EEA1: variants seen among roughly 807,000 people sequenced by gnomAD.
The protein encoded by EEA1 is early endosome antigen 1.
EEA1 carries 111 observed loss-of-function variants against 209.2 expected under a neutral mutation model. That is an observed-to-expected ratio of 0.53 (90% confidence interval 0.45 to 0.62). The LOEUF is 0.62. Ranked by LOEUF, EEA1 falls within the 20% of genes least tolerant of loss-of-function variation. EEA1 has a pLI of 0.00. For missense variants in EEA1, 1,343 were observed against 1,530.8 expected, an observed-to-expected ratio of 0.88 and a Z score of 2.05; for synonymous variants, 536 against 540.6, an observed-to-expected ratio of 0.99 and a Z score of 0.12.
chr12:92,857,223 C>A, intron 5 of EEA1, 52 bp downstream of exon 5: 1 of 1,399,046 alleles, frequency 7.1e-7, no homozygotes. Context: ...TAGTTTTCAA[C>A]AATAAAAATA....
Position 92,920,301 on chromosome 12 carries a change from G to T in EEA1, c.24+8742C>A, listed in dbSNP as rs916585785. Among the ~76,000 whole-genome samples the T allele has an allele frequency of 8.0e-5, 9 of 112,246 alleles. 1 individual carries two copies. Among genetic ancestry groups the T allele is most frequent in the Admixed American group, 3.2e-4 (4 of 12,492 alleles). The allele number at this position is 112,246 out of a possible 152,430, so 73.6% of individuals were successfully genotyped here. ...GCCCGCATCGCCAAGTCAATCCTAA[G>T]CCAAAAGAACAAAGCTGGAGGCATC... On this transcript the variant is annotated intron_variant, in intron 1 of 28. Transcript: ENST00000322349.
intron 14 of EEA1, among the ~76,000 whole-genome samples, chr12:92,818,669 G>A (rs1308009456): frequency 6.6e-6 from 1 of 151,950 alleles, no homozygotes; most frequent in Non-Finnish European, 1.5e-5. Flanking sequence ...CTGATACTTT[G>A]TTTTAAATAT....
intron 10 of EEA1, among the ~76,000 whole-genome samples, chr12:92,834,955 C>T (rs1188614571): frequency 6.6e-6 from 1 of 151,864 alleles, no homozygotes; most frequent in African/African-American, 2.4e-5. Flanking sequence ...TCTCAGCTAA[C>T]TCCAAGCTCC....
intron 1 of EEA1, among the ~76,000 whole-genome samples, chr12:92,899,265 C>T (rs571776413): frequency 6.6e-6 from 1 of 152,166 alleles, no homozygotes; most frequent in South Asian, 2.1e-4. Flanking sequence ...GAAGGTTAAG[C>T]CAACTGAATA....
rs1337749702 is a variant in EEA1 at position 92,826,275 on chromosome 12, T to C, written c.1415A>G (p.Lys472Arg). 2 of 1,611,382 alleles carry C rather than the reference T, an allele frequency of 1.2e-6. No homozygotes were observed. The highest frequency in any genetic ancestry group is 1.7e-6 in the Non-Finnish European group (2 of 1,178,106). The change falls in exon 13 of 29, where the codon AAA becomes AGA. Residue 472 changes from lysine to arginine, a missense_variant. By Grantham distance (26) the Lys-to-Arg change is conservative. Transcript: ENST00000322349. Reference protein sequence around the residue: ...LSRLEEQLKEKVTNSTELQHQ... With the variant: ...LSRLEEQLKERVTNSTELQHQ... The stretch of plus-strand genomic sequence containing the variant: ...CTGCAATTCTGTAGAATTTGTAACT[T>C]TTTCCTTCAACTTAAAAAAATGTAG...
intron 16 of EEA1, among the ~76,000 whole-genome samples, chr12:92,811,803 T>C (rs541509730): frequency 3.9e-5 from 6 of 151,904 alleles, no homozygotes; most frequent in African/African-American, 1.4e-4. Context: ...TTTTTAAAAA[T>C]ATTACAGTGT....
Position 92,772,915 on chromosome 12 carries a change from C to A in EEA1, c.*3096G>T, listed in dbSNP as rs1249715275. 6.6e-6 allele frequency: 1 copy of A among 152,208 alleles called. No homozygotes were observed. Among genetic ancestry groups the A allele is most frequent in the African/African-American group, 2.4e-5 (1 of 41,402 alleles). 9.4% of individuals were successfully genotyped at this position (152,208 alleles called of 1,614,324 possible). A position where few individuals can be genotyped will look rare whatever the true frequency, so the allele number is the denominator to read the frequency against. On this transcript the variant is annotated 3_prime_UTR_variant, in exon 29 of 29. Transcript: ENST00000322349. ...AGAAAGAACTTAGTGACTTCTAATTCTATTTTATACAATTTTACATAAATT... is the reference window on the plus strand; with the variant it reads ...AGAAAGAACTTAGTGACTTCTAATTATATTTTATACAATTTTACATAAATT...
intron 1 of EEA1, among the ~76,000 whole-genome samples, chr12:92,893,918 G>C (rs1879762823): frequency 6.6e-6 from 1 of 151,740 alleles, no homozygotes; most frequent in Non-Finnish European, 1.5e-5. Context: ...TTTATTGTGT[G>C]TCTCTTTATT....
In EEA1 at chr12:92,923,845, CAAAAAAAAA is replaced by C. The variant is rs200069645; in HGVS notation, c.24+5189_24+5197del. Reference sequence around the variant, plus strand: ...TCTAAGTCCTCATCTACCTCATCTACAAAAAAAAAAAAAAAAAATGGAGATTAGAAAAAT... The same window carrying C: ...TCTAAGTCCTCATCTACCTCATCTACAAAAAAAAATGGAGATTAGAAAAAT... On this transcript the variant is annotated intron_variant, in intron 1 of 28. Transcript: ENST00000322349. Among the ~76,000 whole-genome samples the C allele has an allele frequency of 3.6e-4, 27 of 75,246 alleles. No individual in the cohort carries two copies. In the East Asian group the frequency reaches 6.2e-3, roughly 17 times the overall value. The allele number at this position is 75,246 out of a possible 152,430, so 49.4% of individuals were successfully genotyped here. A position where few individuals can be genotyped will look rare whatever the true frequency, so the allele number is the denominator to read the frequency against.
chr12:92,771,112 C>A lies in EEA1; in HGVS notation c.*4899G>T, dbSNP rs1037573835. The stretch of plus-strand genomic sequence containing the variant: ...GAAAGGCAGTTTGAATAATTATTAT[C>A]ATGGCAGGATATATACTATTAACTA... On this transcript the variant is annotated 3_prime_UTR_variant, in exon 29 of 29. Coordinates refer to ENST00000322349, the MANE Select transcript of EEA1 (RefSeq NM_003566.4). The A allele has an allele frequency of 1.1e-4, 17 of 151,828 alleles. No homozygotes were observed. The highest frequency in any genetic ancestry group is 4.1e-4 in the African/African-American group (17 of 41,356). 9.4% of individuals were successfully genotyped at this position (151,828 alleles called of 1,614,324 possible).
At chr12:92,875,774 G>A (rs1184566865) in intron 2 of EEA1, among the ~76,000 whole-genome samples, 4 of 152,106 alleles carry the variant, frequency 2.6e-5, no homozygotes, top group African/African-American at 9.7e-5. Context: ...CCCGATCGCT[G>A]ACCCAATCTC....
intron 1 of EEA1, among the ~76,000 whole-genome samples, chr12:92,921,879 AAAAAAAAG>A (rs1432046028): frequency 0.01 from 1,540 of 149,380 alleles, 9 homozygotes; most frequent in East Asian, 0.028. Context: ...AAAAAAAAAA[AAAAAAAAG>A]AAAAAAAGAA....
intron 2 of EEA1, among the ~76,000 whole-genome samples, chr12:92,876,842 A>T (rs1164502267): frequency 6.6e-6 from 1 of 150,834 alleles, no homozygotes; most frequent in East Asian, 1.9e-4. Flanking sequence ...AAAAAAAAAA[A>T]AAAAGATAAA....
In EEA1 at chr12:92,832,667, G is replaced by C. The variant is rs1422039181; in HGVS notation, c.1099C>G (p.Leu367Val). The C allele has an allele frequency of 2.5e-6, 4 of 1,613,824 alleles. No homozygotes were observed. In the East Asian group the frequency reaches 8.9e-5, roughly 36 times the overall value. Residue 367 changes from leucine (L) to valine (V), a missense_variant, in exon 11 of 29, where the codon CTA (leucine) becomes GTA (valine). Leu to Val is a conservative substitution (Grantham distance 32, BLOSUM62 1). Coordinates refer to ENST00000322349, the MANE Select transcript of EEA1 (RefSeq NM_003566.4). ...ETSLHRIHVE[L>V]SEKGEATQKL... ...TGAGTAGCTTCTCCTTTTTCACTTA[G>C]TTCTACATGTATTCTATGCAGTGAG...
rs188261187 is a variant in EEA1 at position 92,792,337 on chromosome 12, G to A, written c.2968-4288C>T. On this transcript the variant is annotated intron_variant, in intron 21 of 28. Coordinates refer to ENST00000322349, the MANE Select transcript of EEA1 (RefSeq NM_003566.4). ...TTTCAAAAAAATTCAATGAATGCAG[G>A]AGCTGGTTTTTTGAAAAGATCAACA... is the stretch of plus-strand genomic sequence containing the variant. Among the ~76,000 whole-genome samples, 211 of 152,172 alleles carry A rather than the reference G, an allele frequency of 1.4e-3. 2 individuals carry two copies. Among genetic ancestry groups the A allele is most frequent in the African/African-American group, 4.8e-3 (199 of 41,530 alleles).
At chr12:92,802,266 C>T in intron 19 of EEA1, 138 bp downstream of exon 19, 2 of 773,308 alleles carry the variant, frequency 2.6e-6, no homozygotes, top group Non-Finnish European at 1.9e-6. Context: ...TAAGCAATCC[C>T]AATTAATTTC....
In EEA1 at chr12:92,779,137, A is replaced by G; in HGVS notation, c.3632T>C (p.Phe1211Ser). 1.2e-6 allele frequency: 2 copies of G among 1,601,616 alleles called. No individual in the cohort carries two copies. The highest frequency in any genetic ancestry group is 1.7e-6 in the Non-Finnish European group (2 of 1,177,140). Residue 1211 changes from phenylalanine (F) to serine (S), a missense_variant, in exon 25 of 29, where the codon TTT becomes TCT. Coordinates refer to ENST00000322349, the MANE Select transcript of EEA1 (RefSeq NM_003566.4). ...KKEEEELKKE[F>S]IEKEAKLHSE... ...GACCAACTTAGCTTCTTTCTCAATAAATTCTTTCTTCAGCTCCTCTTCTTC... is the reference window on the plus strand; with the variant it reads ...GACCAACTTAGCTTCTTTCTCAATAGATTCTTTCTTCAGCTCCTCTTCTTC...
At chr12:92,912,100 A>C (rs974077101) in intron 1 of EEA1, among the ~76,000 whole-genome samples, 16 of 152,330 alleles carry the variant, frequency 1.1e-4, no homozygotes, top group Admixed American at 8.5e-4. Context: ...TACTGCTGAA[A>C]TCTAACCCAA....
intron 9 of EEA1, 121 bp downstream of exon 9, chr12:92,850,990 A>T: frequency 1.0e-6 from 1 of 954,906 alleles, no homozygotes. Flanking sequence ...CAGATCAAAA[A>T]TGAAAGAAAG....
Sources: allele counts gnomAD v4.1 joint callset (sites outside exome capture counted in the v4.1 genomes callset), GRCh38; gene constraint gnomAD v4.1.1; transcripts MANE v1.5; gene names NCBI Gene and HGNC (gene_info 2026-07-23, HGNC 2026-07-21).